Variants in MTCL1 observed in about 807,000 individuals in gnomAD.
MTCL1 encodes the protein microtubule cross-linking factor 1.
MTCL1 carries 79 observed loss-of-function variants against 141.4 expected under a neutral mutation model. The observed-to-expected ratio is 0.56, with a 90% CI of 0.47 to 0.67. The LOEUF is 0.67. Among genes scored for constraint, MTCL1 ranks in the 30% least tolerant of loss-of-function variants. The pLI is 0.00. For missense variants in MTCL1, 2,177 were observed against 2,113.9 expected (o/e 1.03, Z -0.59); for synonymous variants, 914 against 875.8 (o/e 1.04, Z -0.77).
intron 4 of MTCL1, among the ~76,000 whole-genome samples, chr18:8,773,508 G>T (rs899804150): frequency 1.3e-5 from 2 of 151,946 alleles, no homozygotes; most frequent in African/African-American, 2.4e-5. Context: ...TTTGTCATTT[G>T]CCTTTTAATA....
exon 17 of MTCL1, chr18:8,832,693 A>G (rs1297989124): frequency 6.6e-6 from 1 of 152,258 alleles, no homozygotes; most frequent in Non-Finnish European, 1.5e-5. Context: ...AAAAGTCACA[A>G]GGATACCAAA....
chr18:8,736,427 A>G (rs2096274743), intron 4 of MTCL1, among the ~76,000 whole-genome samples: 2 of 152,156 alleles, frequency 1.3e-5, no homozygotes, highest in Admixed American at 1.3e-4. Context: ...TACTCAGAAT[A>G]CTTACATTAG....
intron 4 of MTCL1, among the ~76,000 whole-genome samples, chr18:8,748,479 G>T (rs1026060583): frequency 6.6e-6 from 1 of 152,036 alleles, no homozygotes; most frequent in Non-Finnish European, 1.5e-5. Flanking sequence ...GGAGATCAAG[G>T]CTACAGTAAA....
exon 13 of MTCL1, chr18:8,818,965 G>A: frequency 1.3e-6 from 2 of 1,599,826 alleles, no homozygotes; most frequent in East Asian, 2.2e-5. Flanking sequence ...TTCTCAAGTT[G>A]CAGAAAGAGA....
At chr18:8,824,933 A>G (rs1433364549) in exon 15 of MTCL1, 1 of 1,613,766 alleles carries the variant, frequency 6.2e-7, no homozygotes, top group East Asian at 2.2e-5. Context: ...TGGGGCGGGC[A>G]GGGCACGAGG....
rs1177219109 is a variant in MTCL1 at position 8,813,023 on chromosome 18, C to T, written c.2649C>T (p.Ser883=). The T allele has an allele frequency of 1.9e-5, 31 of 1,614,014 alleles. 1 individual carries two copies. The highest frequency in any genetic ancestry group is 4.5e-5 in the East Asian group (2 of 44,896). The change falls in exon 12 of 17, where the codon TCC becomes TCT. Residue 883 remains serine (S), a synonymous_variant. Coordinates refer to ENST00000359865, the Ensembl canonical transcript of MTCL1. Reference sequence around the variant, plus strand: ...ACAAGTTGGGAGAACTAGGCTCCTCCGCTGAGAGCAAGGGGGCCTTGAAGA... The same window carrying T: ...ACAAGTTGGGAGAACTAGGCTCCTCTGCTGAGAGCAAGGGGGCCTTGAAGA...
intron 4 of MTCL1, among the ~76,000 whole-genome samples, chr18:8,744,531 C>G (rs925087672): frequency 5.3e-5 from 8 of 152,166 alleles, no homozygotes; most frequent in African/African-American, 9.6e-5. Flanking sequence ...GTTTTCATTT[C>G]TCACCCTGCT....
At chr18:8,711,493 T>G (rs1253120394) in intron 1 of MTCL1, among the ~76,000 whole-genome samples, 41 of 138,936 alleles carry the variant, frequency 3.0e-4, no homozygotes, top group Non-Finnish European at 3.7e-4. Flanking sequence ...TGAACTAGTT[T>G]ACAGTCCCAC....
chr18:8,789,043 A>T (rs2075624900), intron 7 of MTCL1, among the ~76,000 whole-genome samples: 1 of 152,150 alleles, frequency 6.6e-6, no homozygotes, highest in Admixed American at 6.5e-5. Flanking sequence ...CCTGAATGAG[A>T]AGTAGCCATG....
chr18:8,769,731 G>A (rs1355448548), intron 4 of MTCL1, among the ~76,000 whole-genome samples: 1 of 152,200 alleles, frequency 6.6e-6, no homozygotes, highest in Non-Finnish European at 1.5e-5. Context: ...TGACTTGGAT[G>A]CTGGGAATCC....
chr18:8,726,552 A>G (rs1217475562), intron 4 of MTCL1, among the ~76,000 whole-genome samples: 1 of 117,530 alleles, frequency 8.5e-6, no homozygotes, highest in African/African-American at 3.6e-5. Context: ...CGCGCGCAAC[A>G]AGCAATGTTC....
intron 4 of MTCL1, among the ~76,000 whole-genome samples, chr18:8,744,965 G>A (rs1190242150): frequency 2.0e-5 from 3 of 152,196 alleles, no homozygotes; most frequent in South Asian, 4.1e-4. Context: ...TGAGCTGTCC[G>A]GCTGTGGCCT....
At chr18:8,717,779 T>G (rs1199887927) in intron 1 of MTCL1, 9 of 467,202 alleles carry the variant, frequency 1.9e-5, no homozygotes, top group Non-Finnish European at 2.8e-6. Context: ...TGGGTTCCCC[T>G]GTATTCAGGG....
exon 12 of MTCL1, chr18:8,813,034 A>C (rs774769578): frequency 1.2e-6 from 2 of 1,614,198 alleles, no homozygotes; most frequent in South Asian, 2.2e-5. Flanking sequence ...GCTGAGAGCA[A>C]GGGGGCCTTG....
At chr18:8,760,257 C>T (rs993248914) in intron 4 of MTCL1, among the ~76,000 whole-genome samples, 6 of 152,160 alleles carry the variant, frequency 3.9e-5, no homozygotes, top group Non-Finnish European at 7.3e-5. Flanking sequence ...GGAAGGAGAA[C>T]GGGTTCAAAT....
intron 4 of MTCL1, among the ~76,000 whole-genome samples, chr18:8,759,290 A>C (rs1368562468): frequency 6.6e-6 from 1 of 152,188 alleles, no homozygotes; most frequent in Non-Finnish European, 1.5e-5. Flanking sequence ...AAACATTGTG[A>C]AGTATTTTCA....
intron 12 of MTCL1, among the ~76,000 whole-genome samples, chr18:8,817,194 C>G (rs182842703): frequency 4.7e-5 from 7 of 149,530 alleles, no homozygotes; most frequent in Non-Finnish European, 1.0e-4. Flanking sequence ...TAGAGATGAT[C>G]ATGTGTTGAA....
intron 4 of MTCL1, among the ~76,000 whole-genome samples, chr18:8,727,417 A>G (rs1340909021): frequency 6.6e-6 from 1 of 152,200 alleles, no homozygotes; most frequent in Non-Finnish European, 1.5e-5. Flanking sequence ...CTAACAGTGT[A>G]TAAGAGTTCC....
At position 8,830,522 on chromosome 18, in the gene MTCL1, TC is replaced by T; in HGVS notation, c.*19-1080del. The T allele has an allele frequency of 1.0e-6, 1 of 986,300 alleles. No homozygotes were observed. The highest frequency in any genetic ancestry group is 1.2e-6 in the Non-Finnish European group (1 of 830,624). The allele number at this position is 986,300 out of a possible 1,614,324, so 61.1% of individuals were successfully genotyped here. A position where few individuals can be genotyped will look rare whatever the true frequency, so the allele number is the denominator to read the frequency against. Reference sequence around the variant, plus strand: ...CCCATTCCGTGCAGCCGTCTGTCCTTCCCCCGCTGCTGCTCCCCTGCACCAC... The same window carrying T: ...CCCATTCCGTGCAGCCGTCTGTCCTTCCCCGCTGCTGCTCCCCTGCACCAC... On this transcript the variant is annotated intron_variant, in intron 16 of 16. Transcript: ENST00000359865. This position sits in a 1 kb window ranked among gnomAD's most constrained non-coding sequence, Gnocchi z 6.4.
Sources: allele counts gnomAD v4.1 joint callset (sites outside exome capture counted in the v4.1 genomes callset), GRCh38; gene constraint gnomAD v4.1.1; non-coding constraint Gnocchi (gnomAD v3.1); transcripts MANE v1.5; gene names NCBI Gene and HGNC (gene_info 2026-07-23, HGNC 2026-07-21).